SPAG16: variants seen among roughly 807,000 people sequenced by gnomAD.
SPAG16 encodes sperm associated antigen 16.
SPAG16 carries 86 observed loss-of-function variants against 80.4 expected under a neutral mutation model. The observed-to-expected ratio is 1.07, with a 90% confidence interval of 0.90 to 1.28. The LOEUF is 1.28. Among genes scored for constraint, SPAG16 ranks in the 50% most tolerant of loss-of-function variants. The pLI, the probability that SPAG16 is intolerant of heterozygous loss-of-function variation, is 0.00. For missense variants in SPAG16, 870 were observed against 765.3 expected (o/e 1.14, Z -1.61); for synonymous variants, 294 against 265.9 (o/e 1.11, Z -1.03).
chr2:213,630,045 A>G (rs1402531977), intron 10 of SPAG16, among the ~76,000 whole-genome samples: 1 of 152,194 alleles, frequency 6.6e-6, no homozygotes, highest in African/African-American at 2.4e-5. Context: ...CCCATCATCC[A>G]TATAACCATT....
chr2:213,862,972 A>T (rs932816375), intron 11 of SPAG16, among the ~76,000 whole-genome samples: 1 of 152,186 alleles, frequency 6.6e-6, no homozygotes, highest in Non-Finnish European at 1.5e-5. Flanking sequence ...ACCTTTGTTA[A>T]TCTTTGGAGT....
At chr2:213,867,922 TCAAC>T (rs1479824717) in intron 11 of SPAG16, among the ~76,000 whole-genome samples, 1 of 55,090 alleles carries the variant, frequency 1.8e-5, no homozygotes. Context: ...AGACTCTGTC[TCAAC>T]AAAAAAAAAA....
At chr2:214,124,518 A>C (rs138283472) in intron 14 of SPAG16, among the ~76,000 whole-genome samples, 1,801 of 152,020 alleles carry the variant, frequency 0.012, 22 homozygotes, top group Non-Finnish European at 0.02. Flanking sequence ...ATTGTTTTAC[A>C]TAACAGGGAT....
intron 15 of SPAG16, among the ~76,000 whole-genome samples, chr2:214,234,655 T>C (rs573598544): frequency 6.6e-6 from 1 of 152,312 alleles, no homozygotes; most frequent in South Asian, 2.1e-4. Flanking sequence ...GTTGAGCTTT[T>C]TTTCATATGT....
chr2:213,574,309 C>A (rs991181313), intron 10 of SPAG16, among the ~76,000 whole-genome samples: 1 of 152,056 alleles, frequency 6.6e-6, no homozygotes, highest in African/African-American at 2.4e-5. Context: ...TGAACTTATT[C>A]ATCTCCAAAT....
At chr2:213,338,534 A>G (rs1226835977) in intron 5 of SPAG16, among the ~76,000 whole-genome samples, 1 of 152,212 alleles carries the variant, frequency 6.6e-6, no homozygotes, top group Non-Finnish European at 1.5e-5. Flanking sequence ...AGGAATATAA[A>G]TCATTCTGTT....
At chr2:213,369,847 C>T (rs1042417173) in intron 8 of SPAG16, among the ~76,000 whole-genome samples, 4 of 152,130 alleles carry the variant, frequency 2.6e-5, no homozygotes, top group African/African-American at 4.8e-5. Context: ...CCCCTATTAT[C>T]AGCATCCCCT....
At chr2:214,045,797 A>G (rs564725703) in intron 13 of SPAG16, among the ~76,000 whole-genome samples, 1 of 152,198 alleles carries the variant, frequency 6.6e-6, no homozygotes, top group Non-Finnish European at 1.5e-5. Context: ...TAGTTCTTAA[A>G]GAATTAGAAA....
chr2:214,254,268 GC>G (rs964378697), intron 15 of SPAG16, among the ~76,000 whole-genome samples: 9 of 151,950 alleles, frequency 5.9e-5, no homozygotes, highest in Non-Finnish European at 1.0e-4. Context: ...CTGTTTGAAT[GC>G]CCTTTATTTC....
intron 12 of SPAG16, among the ~76,000 whole-genome samples, chr2:213,941,375 C>T (rs2079190330): frequency 6.6e-6 from 1 of 152,000 alleles, no homozygotes; most frequent in East Asian, 1.9e-4. Context: ...AGCATGTAGA[C>T]GCTATCACTG....
chr2:214,061,100 G>T (rs2050234941), intron 13 of SPAG16, among the ~76,000 whole-genome samples: 1 of 152,108 alleles, frequency 6.6e-6, no homozygotes, highest in African/African-American at 2.4e-5. Flanking sequence ...TACTAAGAGA[G>T]GTAAGTCCTT....
At chr2:213,932,602 C>T (rs906786731) in intron 12 of SPAG16, among the ~76,000 whole-genome samples, 8 of 152,226 alleles carry the variant, frequency 5.3e-5, no homozygotes, top group African/African-American at 1.9e-4. Flanking sequence ...TTTTCACACC[C>T]GTCCTTTCCT....
intron 15 of SPAG16, among the ~76,000 whole-genome samples, chr2:214,218,799 G>A (rs2058494826): frequency 1.3e-5 from 2 of 152,192 alleles, no homozygotes; most frequent in African/African-American, 4.8e-5. Flanking sequence ...AAGCTAGTGG[G>A]TAAATGTGGC....
At chr2:213,359,424 G>T (rs1303142693) in intron 7 of SPAG16, among the ~76,000 whole-genome samples, 1 of 152,128 alleles carries the variant, frequency 6.6e-6, no homozygotes, top group African/African-American at 2.4e-5. Flanking sequence ...GCTGCGGTGG[G>T]CTCCTCCAGT....
At chr2:213,752,357 T>C (rs1031191282) in intron 10 of SPAG16, among the ~76,000 whole-genome samples, 1 of 152,192 alleles carries the variant, frequency 6.6e-6, no homozygotes, top group African/African-American at 2.4e-5. Context: ...GATTTTTGAC[T>C]CCCCTCTTTG....
chr2:214,272,300 T>A (rs1692089834), intron 15 of SPAG16, among the ~76,000 whole-genome samples: 1 of 149,130 alleles, frequency 6.7e-6, no homozygotes, highest in East Asian at 1.9e-4. Flanking sequence ...TGGTGGAAAT[T>A]TTTTTTTTAT....
At chr2:213,993,101 T>C (rs1199836993) in intron 12 of SPAG16, among the ~76,000 whole-genome samples, 10 of 152,116 alleles carry the variant, frequency 6.6e-5, no homozygotes, top group Admixed American at 6.5e-4. Context: ...ACTGTCTCAT[T>C]GAAACAGAAG....
At chr2:214,408,356 A>G (rs1574540757) in intron 15 of SPAG16, among the ~76,000 whole-genome samples, 1 of 152,252 alleles carries the variant, frequency 6.6e-6, no homozygotes, top group East Asian at 1.9e-4. Context: ...CTATAGAGTG[A>G]GGTTGGAAGT....
intron 15 of SPAG16, among the ~76,000 whole-genome samples, chr2:214,300,759 C>A (rs1694489913): frequency 1.3e-5 from 2 of 151,798 alleles, no homozygotes; most frequent in East Asian, 1.9e-4. Flanking sequence ...GCAATTAAAC[C>A]ATTAATTCAT....
Sources: allele counts gnomAD v4.1 joint callset (sites outside exome capture counted in the v4.1 genomes callset), GRCh38; gene constraint gnomAD v4.1.1; transcripts MANE v1.5; gene names NCBI Gene and HGNC (gene_info 2026-07-23, HGNC 2026-07-21).